SAMMSON: variants seen among roughly 807,000 people sequenced by gnomAD.
SAMMSON encodes long intergenic non-protein coding RNA 1212.
chr3:70,044,557 A>G (rs1392086817), intron 3 of SAMMSON, among the ~76,000 whole-genome samples: 1 of 151,990 alleles, frequency 6.6e-6, no homozygotes, highest in African/African-American at 2.4e-5. Context: ...CATTAAATCA[A>G]CTTTGTAGCA....
chr3:70,188,998 AAG>A (rs1701111222), intron 4 of SAMMSON, among the ~76,000 whole-genome samples: 1 of 152,156 alleles, frequency 6.6e-6, no homozygotes, highest in Non-Finnish European at 1.5e-5. Context: ...CAAAAATCAG[AAG>A]AGAGGGTGCT....
intron 4 of SAMMSON, among the ~76,000 whole-genome samples, chr3:70,234,897 C>T (rs1486931004): frequency 2.6e-5 from 4 of 152,136 alleles, no homozygotes; most frequent in Admixed American, 6.5e-5. Context: ...TTAAACGCTG[C>T]CTTGGACATC....
chr3:70,407,115 A>C (rs1701183598), intron 2 of SAMMSON, among the ~76,000 whole-genome samples: 1 of 152,186 alleles, frequency 6.6e-6, no homozygotes, highest in Non-Finnish European at 1.5e-5. Context: ...TGCCATGAGA[A>C]CAGTATGGGG....
At chr3:70,106,758 T>C (rs1034399482) in intron 4 of SAMMSON, among the ~76,000 whole-genome samples, 29 of 152,212 alleles carry the variant, frequency 1.9e-4, no homozygotes, top group African/African-American at 7.0e-4. Flanking sequence ...AAAATTCAGC[T>C]ATGGTCATTG....
At chr3:70,306,988 T>A (rs576949290) in intron 7 of SAMMSON, among the ~76,000 whole-genome samples, 1 of 152,086 alleles carries the variant, frequency 6.6e-6, no homozygotes, top group Non-Finnish European at 1.5e-5. Flanking sequence ...TATATTTATA[T>A]ATATAGAGAG....
At chr3:70,381,283 A>G (rs573783119) in intron 9 of SAMMSON, among the ~76,000 whole-genome samples, 1 of 152,292 alleles carries the variant, frequency 6.6e-6, no homozygotes, top group East Asian at 1.9e-4. Context: ...TTGATGAGGG[A>G]AAATTCTTAA....
At chr3:70,369,440 A>G (rs1347137333) in intron 9 of SAMMSON, among the ~76,000 whole-genome samples, 1 of 151,648 alleles carries the variant, frequency 6.6e-6, no homozygotes, top group Non-Finnish European at 1.5e-5. Context: ...TAATTCTTTG[A>G]AATTTTCTGT....
At chr3:70,341,803 T>G (rs892372356) in intron 7 of SAMMSON, among the ~76,000 whole-genome samples, 1 of 151,932 alleles carries the variant, frequency 6.6e-6, no homozygotes, top group African/African-American at 2.4e-5. Context: ...ATTTCCTTGT[T>G]AAGACACAGT....
intron 2 of SAMMSON, among the ~76,000 whole-genome samples, chr3:70,419,873 C>T (rs902878622): frequency 2.0e-5 from 3 of 152,112 alleles, no homozygotes; most frequent in African/African-American, 7.2e-5. Flanking sequence ...CTCCTGACCT[C>T]GTGATCTTCC....
intron 4 of SAMMSON, among the ~76,000 whole-genome samples, chr3:70,077,881 CT>C (rs1347545121): frequency 6.6e-6 from 1 of 152,158 alleles, no homozygotes; most frequent in Non-Finnish European, 1.5e-5. Context: ...TCAGCTTTCC[CT>C]TTGCATTCAC....
At chr3:70,380,258 A>G (rs1450802712) in intron 9 of SAMMSON, among the ~76,000 whole-genome samples, 2 of 152,140 alleles carry the variant, frequency 1.3e-5, no homozygotes, top group African/African-American at 2.4e-5. Flanking sequence ...AGATTAAAGT[A>G]TGTTTATGTA....
chr3:70,428,250 A>G (rs1701387196), intron 2 of SAMMSON, among the ~76,000 whole-genome samples: 1 of 152,190 alleles, frequency 6.6e-6, no homozygotes, highest in South Asian at 2.1e-4. Context: ...AAAATTAATT[A>G]TAAAATTCAC....
intron 7 of SAMMSON, among the ~76,000 whole-genome samples, chr3:70,336,548 C>T (rs528809469): frequency 2.6e-5 from 4 of 151,962 alleles, no homozygotes; most frequent in East Asian, 3.9e-4. Flanking sequence ...AAAAGTCAAG[C>T]GTCAGGAAAC....
At chr3:70,410,815 T>A (rs1701212078) in intron 2 of SAMMSON, among the ~76,000 whole-genome samples, 1 of 152,220 alleles carries the variant, frequency 6.6e-6, no homozygotes, top group Non-Finnish European at 1.5e-5. Context: ...TGGAAGTTAT[T>A]ACTAGGGCTT....
At chr3:70,286,787 T>A (rs989434727) in intron 6 of SAMMSON, among the ~76,000 whole-genome samples, 8 of 152,164 alleles carry the variant, frequency 5.3e-5, no homozygotes, top group Non-Finnish European at 1.2e-4. Context: ...CCCTTATAAG[T>A]TGGATTCCTA....
At chr3:70,215,514 C>G (rs1211665318) in intron 4 of SAMMSON, among the ~76,000 whole-genome samples, 3 of 151,984 alleles carry the variant, frequency 2.0e-5, no homozygotes, top group African/African-American at 7.2e-5. Flanking sequence ...ACTGCTTTTT[C>G]CAAACTTAGC....
chr3:70,312,922 GA>G (rs1303147936), intron 7 of SAMMSON, among the ~76,000 whole-genome samples: 1 of 151,724 alleles, frequency 6.6e-6, no homozygotes, highest in Admixed American at 6.6e-5. Flanking sequence ...AAAAGATGTA[GA>G]AAAAAATGTA....
At chr3:70,425,400 ATTAT>A (rs140781474) in intron 2 of SAMMSON, among the ~76,000 whole-genome samples, 6 of 150,670 alleles carry the variant, frequency 4.0e-5, no homozygotes, top group Admixed American at 6.6e-5. Flanking sequence ...CTATTTTTTT[ATTAT>A]TTATTTATTT....
chr3:70,021,906 C>G (rs2067014852), intron 3 of SAMMSON, among the ~76,000 whole-genome samples: 1 of 151,920 alleles, frequency 6.6e-6, no homozygotes, highest in Non-Finnish European at 1.5e-5. Context: ...TAATTATTTT[C>G]AAAGAAACCT....
Sources: gnomAD v4.1 joint callset for allele counts (sites outside exome capture counted in the v4.1 genomes callset) on GRCh38, gnomAD v4.1.1 for gene constraint, MANE v1.5 for transcripts, NCBI Gene and HGNC (gene_info 2026-07-23, HGNC 2026-07-21) for gene names.